Variants in ATP10B observed in about 807,000 individuals in gnomAD.
ATP10B encodes ATPase phospholipid transporting 10B (putative), also known as phospholipid-transporting ATPase VB.
A neutral mutation model predicts 141.2 loss-of-function variants in ATP10B; 122 were observed. The ratio of observed to expected loss-of-function variants is 0.86; its 90% CI spans 0.75 to 1.00. The LOEUF (loss-of-function observed/expected upper bound fraction) is 1.00. ATP10B is among the 50% of genes least tolerant of loss of function. The pLI, the probability that ATP10B is intolerant of heterozygous loss-of-function variation, is 0.00. For missense variants in ATP10B, 1,876 were observed against 1,825.3 expected (o/e 1.03, Z -0.51); for synonymous variants, 685 against 692.0 (o/e 0.99, Z 0.16).
chr5:160,595,151 C>A (rs1756588071), intron 22 of ATP10B, among the ~76,000 whole-genome samples: 1 of 152,198 alleles, frequency 6.6e-6, no homozygotes, highest in South Asian at 2.1e-4. Flanking sequence ...GTAAAGCACT[C>A]CTCAGCAAAT....
the ATP10B span, among the ~76,000 whole-genome samples, chr5:160,873,400 TAAAGACAACATAA>T: frequency 1.3e-5 from 2 of 152,170 alleles, no homozygotes; most frequent in African/African-American, 4.8e-5. Context: ...GCTAATGCAA[TAAAGACAACATAA>T]TAAAAGGTAC....
At chr5:160,880,427 G>A in the ATP10B span, among the ~76,000 whole-genome samples, 6 of 152,016 alleles carry the variant, frequency 3.9e-5, no homozygotes, top group Non-Finnish European at 5.9e-5. Context: ...AAGTTCTTTT[G>A]TGGCTATCAA....
At chr5:160,691,275 C>G (rs544368949) in intron 3 of ATP10B, among the ~76,000 whole-genome samples, 1 of 152,162 alleles carries the variant, frequency 6.6e-6, no homozygotes, top group Non-Finnish European at 1.5e-5. Context: ...TTGATGGGTG[C>G]AGAAAACTAC....
At chr5:160,920,114 G>A in the ATP10B span, among the ~76,000 whole-genome samples, 3 of 152,204 alleles carry the variant, frequency 2.0e-5, no homozygotes, top group African/African-American at 7.2e-5. Flanking sequence ...CAGGACACCT[G>A]TGGGTGGCAA....
intron 6 of ATP10B, among the ~76,000 whole-genome samples, chr5:160,682,076 C>A: frequency 6.6e-6 from 1 of 152,174 alleles, no homozygotes; most frequent in East Asian, 1.9e-4. Flanking sequence ...CTATTCAGTC[C>A]ATTTAATTAC....
At chr5:160,928,815 A>G in the ATP10B span, among the ~76,000 whole-genome samples, 3 of 152,308 alleles carry the variant, frequency 2.0e-5, no homozygotes, top group South Asian at 2.1e-4. Flanking sequence ...CTAGTGCCCA[A>G]TGACTATGTG....
At chr5:160,771,002 AG>A (rs1312236149) in intron 2 of ATP10B, among the ~76,000 whole-genome samples, 7 of 152,162 alleles carry the variant, frequency 4.6e-5, no homozygotes, top group African/African-American at 1.7e-4. Flanking sequence ...AAAGTGACTG[AG>A]GCTCTGAGTG....
At chr5:160,844,979 A>G (rs1353557594) in intron 1 of ATP10B, among the ~76,000 whole-genome samples, 1 of 152,166 alleles carries the variant, frequency 6.6e-6, no homozygotes. Flanking sequence ...GGCATACCAA[A>G]GCTTCTTGAA....
chr5:160,609,841 C>T (rs920253828), intron 18 of ATP10B, among the ~76,000 whole-genome samples: 13 of 152,204 alleles, frequency 8.5e-5, no homozygotes, highest in African/African-American at 3.1e-4. Context: ...AGGCACTTAT[C>T]TGGAAAGAGA....
the ATP10B span, among the ~76,000 whole-genome samples, chr5:160,899,856 C>T: frequency 1.3e-5 from 2 of 152,142 alleles, no homozygotes; most frequent in African/African-American, 4.8e-5. Context: ...ATGGGACACT[C>T]TTGAGGTCCT....
the ATP10B span, among the ~76,000 whole-genome samples, chr5:160,921,585 G>A: frequency 6.6e-5 from 10 of 152,166 alleles, no homozygotes; most frequent in Admixed American, 2.0e-4. Flanking sequence ...TATACATGTT[G>A]CTCTGTGTTT....
chr5:160,773,702 C>T (rs774363279), intron 2 of ATP10B, among the ~76,000 whole-genome samples: 2 of 152,156 alleles, frequency 1.3e-5, no homozygotes, highest in African/African-American at 2.4e-5. Context: ...ACCATTTATT[C>T]TTCAGCAGTG....
intron 9 of ATP10B, among the ~76,000 whole-genome samples, chr5:160,642,173 G>T (rs1441338579): frequency 6.6e-6 from 1 of 152,238 alleles, no homozygotes; most frequent in Admixed American, 6.5e-5. Flanking sequence ...AACTCAGGAG[G>T]CATGTGACTT....
At position 160,792,427 on chromosome 5, in the gene ATP10B, T is replaced by G. The variant is rs570828447; in HGVS notation, c.-575-6624A>C. The stretch of plus-strand genomic sequence containing the variant: ...CAGCTAGAGACTTCAGAGTCAAGTC[T>G]CTTTTGTGGTTACGTGGAACCATGT... On this transcript the variant is annotated intron_variant, in intron 1 of 25. Coordinates refer to ENST00000327245, the MANE Select transcript of ATP10B (RefSeq NM_025153.3). 3.3e-5 allele frequency among the ~76,000 whole-genome samples: 5 copies of G among 152,288 alleles called. No individual in the cohort carries two copies. In the South Asian group the frequency reaches 8.3e-4, roughly 25 times the overall value.
chr5:160,760,418 G>T (rs1464928921), intron 2 of ATP10B, among the ~76,000 whole-genome samples: 1 of 152,168 alleles, frequency 6.6e-6, no homozygotes, highest in East Asian at 1.9e-4. Context: ...TAATGTCCCA[G>T]TTGGCAAAAC....
chr5:160,585,982 T>C (rs1248032446), intron 24 of ATP10B, among the ~76,000 whole-genome samples: 1 of 152,214 alleles, frequency 6.6e-6, no homozygotes, highest in African/African-American at 2.4e-5. Context: ...TTATTTTACT[T>C]TAAGTTCCGG....
the ATP10B span, among the ~76,000 whole-genome samples, chr5:160,890,344 G>C: frequency 1.3e-5 from 2 of 152,074 alleles, no homozygotes; most frequent in African/African-American, 4.8e-5. Context: ...ACAAATCGTG[G>C]CATTTAGTAC....
At chr5:160,607,688 T>C (rs555141928) in intron 18 of ATP10B, among the ~76,000 whole-genome samples, 1 of 152,348 alleles carries the variant, frequency 6.6e-6, no homozygotes, top group South Asian at 2.1e-4. Flanking sequence ...CATGAAGCAT[T>C]GATCACATTG....
the ATP10B span, among the ~76,000 whole-genome samples, chr5:160,902,378 G>C: frequency 6.6e-6 from 1 of 152,128 alleles, no homozygotes; most frequent in Non-Finnish European, 1.5e-5. Context: ...TTTGCTATAT[G>C]ACCTTAAAGA....
Sources: allele counts gnomAD v4.1 joint callset (sites outside exome capture counted in the v4.1 genomes callset), GRCh38; gene constraint gnomAD v4.1.1; transcripts MANE v1.5; gene names NCBI Gene and HGNC (gene_info 2026-07-23, HGNC 2026-07-21).